Variants in MEMO1 observed in about 807,000 individuals in gnomAD.
MEMO1 encodes protein MEMO1.
MEMO1 carries 6 observed loss-of-function variants against 45.2 expected under a neutral mutation model. The ratio of observed to expected loss-of-function variants is 0.13; its 90% CI spans 0.07 to 0.26. The LOEUF (loss-of-function observed/expected upper bound fraction) is 0.26. Among genes scored for constraint, MEMO1 ranks in the 10% least tolerant of loss-of-function variants. The pLI is 1.00. For synonymous variants in MEMO1, 78 were observed against 124.3 expected (o/e 0.63, Z 2.48); for missense variants, 184 against 370.5 (o/e 0.50, Z 4.13).
intron 4 of MEMO1, among the ~76,000 whole-genome samples, chr2:31,926,376 GAA>G (rs35245442): frequency 0.023 from 2,747 of 120,178 alleles, 50 homozygotes; most frequent in South Asian, 0.06. Context: ...TCTCAAAAGG[GAA>G]AAAAAAAAAA....
chr2:31,892,248 T>C, intron 6 of MEMO1, 114 bp from the exon 7 acceptor site: 1 of 876,182 alleles, frequency 1.1e-6, no homozygotes, highest in Non-Finnish European at 1.7e-6. Flanking sequence ...GGATAACATA[T>C]GTAATTATTA....
chr2:31,871,498 TACACACACAC>T (rs77754382), intron 8 of MEMO1, among the ~76,000 whole-genome samples: 2 of 147,990 alleles, frequency 1.4e-5, no homozygotes, highest in East Asian at 2.0e-4. Flanking sequence ...ATTCCATATA[TACACACACAC>T]ACACACACAC....
intron 2 of MEMO1, among the ~76,000 whole-genome samples, chr2:31,979,693 G>C: frequency 6.6e-6 from 1 of 152,040 alleles, no homozygotes; most frequent in East Asian, 1.9e-4. Context: ...AAAACTGTGA[G>C]TCTGAATTTT....
At chr2:31,949,466 A>G (rs887410775) in intron 2 of MEMO1, among the ~76,000 whole-genome samples, 2 of 152,066 alleles carry the variant, frequency 1.3e-5, no homozygotes, top group Non-Finnish European at 2.9e-5. Context: ...AGAATTGGAG[A>G]TCATTATGTT....
intron 2 of MEMO1, among the ~76,000 whole-genome samples, chr2:32,005,081 A>C (rs1455869357): frequency 6.6e-6 from 1 of 152,188 alleles, no homozygotes; most frequent in Non-Finnish European, 1.5e-5. Context: ...CCATCAACAG[A>C]ATAAACTGGA....
intron 3 of MEMO1, among the ~76,000 whole-genome samples, chr2:31,938,345 T>TAA (rs993468091): frequency 1.3e-4 from 19 of 143,184 alleles, no homozygotes; most frequent in Admixed American, 2.8e-4. Context: ...CCTATAAAGG[T>TAA]AAAAAAAAAA....
intron 7 of MEMO1, among the ~76,000 whole-genome samples, chr2:31,886,793 A>G (rs1014268861): frequency 1.3e-5 from 2 of 152,142 alleles, no homozygotes; most frequent in Non-Finnish European, 2.9e-5. Context: ...CTTACCTGAA[A>G]CTTATCCTTT....
chr2:31,927,432 C>A (rs956938351), intron 4 of MEMO1, among the ~76,000 whole-genome samples: 2 of 152,176 alleles, frequency 1.3e-5, no homozygotes, highest in Admixed American at 6.5e-5. Context: ...AAAATATCCA[C>A]AATTATCTGC....
chr2:31,906,904 T>C (rs1321623556), intron 6 of MEMO1, among the ~76,000 whole-genome samples: 1 of 152,172 alleles, frequency 6.6e-6, no homozygotes, highest in Non-Finnish European at 1.5e-5. Flanking sequence ...AGGACCAATA[T>C]CTAGCTATAA....
intron 3 of MEMO1, among the ~76,000 whole-genome samples, chr2:31,932,948 T>G (rs973284723): frequency 2.0e-5 from 3 of 152,152 alleles, no homozygotes; most frequent in Admixed American, 1.3e-4. Context: ...TCAATTCTCT[T>G]ATCACGCACA....
intron 6 of MEMO1, among the ~76,000 whole-genome samples, chr2:31,905,639 C>T (rs1679550635): frequency 1.3e-5 from 2 of 152,176 alleles, no homozygotes; most frequent in Admixed American, 1.3e-4. Context: ...TCAACATTTC[C>T]ATACCCTACA....
intron 3 of MEMO1, among the ~76,000 whole-genome samples, chr2:31,932,349 T>C (rs774098214): frequency 7.2e-5 from 11 of 152,200 alleles, no homozygotes; most frequent in Non-Finnish European, 1.5e-5. Context: ...AAAAATACTT[T>C]GTAATTTTTT....
chr2:31,972,226 C>G (rs955796582), intron 2 of MEMO1, among the ~76,000 whole-genome samples: 1 of 152,090 alleles, frequency 6.6e-6, no homozygotes, highest in Non-Finnish European at 1.5e-5. Context: ...AAATCCAGTA[C>G]AAAGTAACTT....
intron 2 of MEMO1, among the ~76,000 whole-genome samples, chr2:32,008,211 A>G (rs1371907437): frequency 1.3e-5 from 2 of 152,246 alleles, no homozygotes; most frequent in Non-Finnish European, 2.9e-5. Flanking sequence ...AAGATTATCC[A>G]AAGAATGTTC....
chr2:31,885,968 T>A (rs1318542721), intron 7 of MEMO1, among the ~76,000 whole-genome samples: 2 of 152,316 alleles, frequency 1.3e-5, no homozygotes, highest in Middle Eastern at 3.4e-3. Flanking sequence ...TATGGACCAT[T>A]TTCTATGTAA....
intron 2 of MEMO1, among the ~76,000 whole-genome samples, chr2:31,952,495 T>A (rs1190522933): frequency 1.3e-5 from 2 of 152,224 alleles, no homozygotes; most frequent in Non-Finnish European, 2.9e-5. Context: ...AATCACAGTA[T>A]ACTTATTCCA....
At chr2:31,999,692 AACTCATATGATACT>A (rs1215835117) in intron 2 of MEMO1, among the ~76,000 whole-genome samples, 1 of 152,078 alleles carries the variant, frequency 6.6e-6, no homozygotes, top group Non-Finnish European at 1.5e-5. Flanking sequence ...GCCACCTCTT[AACTCATATGATACT>A]ACTCTGTTCC....
chr2:31,923,627 A>C (rs1394349665), intron 4 of MEMO1: 5 of 1,544,668 alleles, frequency 3.2e-6, no homozygotes, highest in Non-Finnish European at 4.4e-6. Context: ...AGGGCCAGGT[A>C]GTATATGAAC....
chr2:31,881,515 A>C (rs915846274), intron 8 of MEMO1, among the ~76,000 whole-genome samples: 11 of 150,790 alleles, frequency 7.3e-5, no homozygotes, highest in African/African-American at 2.4e-4. Flanking sequence ...AAAAAAAAAA[A>C]AAAACAGAAA....
Sources: allele counts gnomAD v4.1 joint callset (sites outside exome capture counted in the v4.1 genomes callset), GRCh38; gene constraint gnomAD v4.1.1; transcripts MANE v1.5; gene names NCBI Gene and HGNC (gene_info 2026-07-23, HGNC 2026-07-21).